MOBP: variants seen among roughly 807,000 people sequenced by gnomAD.
MOBP encodes the protein myelin-associated oligodendrocyte basic protein.
In MOBP, 5 loss-of-function variants were observed where a neutral mutation model predicts 15.0. The ratio of observed to expected loss-of-function variants is 0.33; its 90% confidence interval spans 0.17 to 0.70. The LOEUF is 0.70. Among genes scored for constraint, MOBP ranks in the 30% least tolerant of loss-of-function variants. The pLI is 0.67. For missense variants in MOBP, 188 were observed against 257.8 expected (o/e 0.73, Z 1.85); for synonymous variants, 88 against 99.0 (o/e 0.89, Z 0.66).
At chr3:39,475,590 T>C in intron 1 of MOBP, among the ~76,000 whole-genome samples, 1 of 152,208 alleles carries the variant, frequency 6.6e-6, no homozygotes, top group East Asian at 1.9e-4. Context: ...ACTCCATTTA[T>C]TTATTTATTC....
chr3:39,506,745 T>G (rs2043052810), downstream of MOBP, among the ~76,000 whole-genome samples: 1 of 152,182 alleles, frequency 6.6e-6, no homozygotes, highest in African/African-American at 2.4e-5. Flanking sequence ...GAAAGGCAAG[T>G]GCTGGCACCT....
chr3:39,507,929 A>G (rs2043067321), downstream of MOBP, among the ~76,000 whole-genome samples: 1 of 152,208 alleles, frequency 6.6e-6, no homozygotes, highest in Non-Finnish European at 1.5e-5. Context: ...CAACATTTTA[A>G]TGTCGTTCAC....
intron 1 of MOBP, among the ~76,000 whole-genome samples, chr3:39,469,206 A>ATATG (rs1553616252): frequency 7.7e-5 from 5 of 64,896 alleles, no homozygotes; most frequent in African/African-American, 7.6e-4. Context: ...ACATATATAC[A>ATATG]TGTGTGTGTA....
At chr3:39,528,133 G>T (rs1379640620), downstream of MOBP, 1 of 152,138 alleles carries the variant, frequency 6.6e-6, no homozygotes, top group African/African-American at 2.4e-5. Context: ...ATTAGAGTAA[G>T]GCAAAAGAAC....
At chr3:39,476,356 T>C (rs1227163451) in intron 1 of MOBP, among the ~76,000 whole-genome samples, 2 of 152,234 alleles carry the variant, frequency 1.3e-5, no homozygotes, top group Non-Finnish European at 2.9e-5. Context: ...ATTGGGGTGT[T>C]ACTTCTTCTA....
At chr3:39,482,604 A>G (rs1048747192) in intron 2 of MOBP, among the ~76,000 whole-genome samples, 1 of 147,550 alleles carries the variant, frequency 6.8e-6, no homozygotes, top group Non-Finnish European at 1.5e-5. Context: ...GTGAGCAGAG[A>G]TCGCGCCACT....
At chr3:39,478,775 G>A (rs2042579104) in intron 1 of MOBP, among the ~76,000 whole-genome samples, 1 of 152,038 alleles carries the variant, frequency 6.6e-6, no homozygotes, top group South Asian at 2.1e-4. Context: ...TTCAGCAGGA[G>A]TTTAAATTCA....
At chr3:39,487,584 T>C (rs1707943) in intron 2 of MOBP, among the ~76,000 whole-genome samples, 51,808 of 146,016 alleles carry the variant, frequency 0.35, 12,825 homozygotes, top group African/African-American at 0.71. Flanking sequence ...AGTGCAGTGG[T>C]GTGATCTCTG....
intron 3 of MOBP, among the ~76,000 whole-genome samples, chr3:39,522,648 A>T (rs1204580392): frequency 1.3e-5 from 2 of 152,234 alleles, no homozygotes; most frequent in African/African-American, 4.8e-5. Flanking sequence ...TAATTCATTT[A>T]AAAAAGATAA....
intron 1 of MOBP, among the ~76,000 whole-genome samples, chr3:39,473,209 T>C (rs2042495884): frequency 6.6e-6 from 1 of 152,148 alleles, no homozygotes; most frequent in Non-Finnish European, 1.5e-5. Context: ...GGAATCTTCG[T>C]TTTAAAAGGT....
intron 2 of MOBP, among the ~76,000 whole-genome samples, chr3:39,482,598 G>A (rs1333754886): frequency 1.4e-5 from 2 of 145,602 alleles, no homozygotes; most frequent in Admixed American, 1.4e-4. Flanking sequence ...CTTGCAGTGA[G>A]CAGAGATCGC....
exon 5 of MOBP, chr3:39,513,625 G>A (rs563489659): frequency 2.3e-5 from 14 of 599,530 alleles, no homozygotes; most frequent in Middle Eastern, 5.6e-4. Context: ...GGCTATCTCT[G>A]TGTGTTGTAC....
At chr3:39,501,083 C>T (rs574424512) in intron 2 of MOBP, among the ~76,000 whole-genome samples, 1 of 152,278 alleles carries the variant, frequency 6.6e-6, no homozygotes, top group Non-Finnish European at 1.5e-5. Context: ...TAAAATATCC[C>T]CTCAAAGTTA....
At chr3:39,494,628 G>A (rs1333757819) in intron 2 of MOBP, among the ~76,000 whole-genome samples, 1 of 152,110 alleles carries the variant, frequency 6.6e-6, no homozygotes, top group Non-Finnish European at 1.5e-5. Context: ...GAGATACACA[G>A]TGAGATAAAT....
downstream of MOBP, among the ~76,000 whole-genome samples, chr3:39,520,947 T>TA (rs2043258984): frequency 1.5e-5 from 2 of 130,642 alleles, no homozygotes; most frequent in Non-Finnish European, 1.5e-5. Context: ...AGCTCTATAT[T>TA]CTTTTTTTTT....
downstream of MOBP, chr3:39,529,197 G>A (rs1575329269): frequency 6.6e-6 from 1 of 152,180 alleles, no homozygotes; most frequent in East Asian, 1.9e-4. Flanking sequence ...AAGTATCAAA[G>A]CTAGTTAAAA....
chr3:39,516,703 G>A (rs1312909541), downstream of MOBP, among the ~76,000 whole-genome samples: 2 of 152,100 alleles, frequency 1.3e-5, no homozygotes, highest in African/African-American at 2.4e-5. Flanking sequence ...ATAACATTTT[G>A]CCACTACAGT....
intron 1 of MOBP, among the ~76,000 whole-genome samples, chr3:39,471,825 C>T (rs1191614864): frequency 6.6e-6 from 1 of 152,226 alleles, no homozygotes; most frequent in Non-Finnish European, 1.5e-5. Context: ...GATATAGACA[C>T]CACAGCGCTC....
chr3:39,478,503 C>T (rs1179242106), intron 1 of MOBP, among the ~76,000 whole-genome samples: 1 of 152,138 alleles, frequency 6.6e-6, no homozygotes, highest in East Asian at 1.9e-4. Context: ...CAGTGGTTCC[C>T]TATTGTCTGT....
Sources: allele counts gnomAD v4.1 joint callset (sites outside exome capture counted in the v4.1 genomes callset), GRCh38; gene constraint gnomAD v4.1.1; transcripts MANE v1.5; gene names NCBI Gene and HGNC (gene_info 2026-07-23, HGNC 2026-07-21).